The following LRRC49 variants were observed in gnomAD, a reference collection of about 807,000 sequenced individuals.
LRRC49 encodes the protein leucine rich repeat containing 49.
Under a neutral mutation model 83.3 loss-of-function variants are expected in LRRC49, and 50 were observed. That is an observed-to-expected ratio of 0.60 (90% CI 0.48 to 0.76). The LOEUF is 0.76. Ranked by LOEUF, LRRC49 falls within the 30% of genes least tolerant of loss-of-function variation. The pLI is 0.00. For missense variants in LRRC49, 704 were observed against 809.1 expected (o/e 0.87, Z 1.58); for synonymous variants, 286 against 283.3 (o/e 1.01, Z -0.10).
intron 11 of LRRC49, among the ~76,000 whole-genome samples, chr15:70,984,797 A>C (rs1330872378): frequency 1.3e-3 from 153 of 118,692 alleles, no homozygotes; most frequent in African/African-American, 4.9e-3. Context: ...ACCCCACAAC[A>C]GTCCCCAGAG....
chr15:70,901,454 G>A (rs1444584195), intron 4 of LRRC49, among the ~76,000 whole-genome samples: 1 of 152,084 alleles, frequency 6.6e-6, no homozygotes, highest in African/African-American at 2.4e-5. Context: ...TACACCAAGA[G>A]TGATTATACC....
At chr15:70,888,581 G>GTT (rs2033470073), upstream of LRRC49, among the ~76,000 whole-genome samples, 1 of 152,092 alleles carries the variant, frequency 6.6e-6, no homozygotes, top group African/African-American at 2.4e-5. Context: ...ATAGTAAAAT[G>GTT]TTTTAAGTAT....
chr15:70,944,880 T>C (rs1419907211), intron 8 of LRRC49, among the ~76,000 whole-genome samples: 1 of 152,206 alleles, frequency 6.6e-6, no homozygotes, highest in Non-Finnish European at 1.5e-5. Flanking sequence ...TTCAGATATA[T>C]AATCTGGGTA....
At chr15:70,936,660 A>G (rs2035609686) in intron 7 of LRRC49, 101 bp from the exon 8 acceptor site, 1 of 714,588 alleles carries the variant, frequency 1.4e-6, no homozygotes, top group East Asian at 2.7e-5. Context: ...GCAATGTTGC[A>G]GTAAATAGAA....
rs1350142228 is a variant in LRRC49, at chr15:70,904,742, T to C, written c.487T>C (p.Leu163=). 1.2e-5 allele frequency: 19 copies of C among 1,611,944 alleles called. No individual in the cohort carries two copies. Among genetic ancestry groups the C allele is most frequent in the Middle Eastern group, 1.6e-4 (1 of 6,072 alleles). Reference sequence around the variant, plus strand: ...TCTGAGATGTCTTCGTGTCCTTCTGTTGGGGAAAAACAGGTATTCTTTGTA... The same window carrying C: ...TCTGAGATGTCTTCGTGTCCTTCTGCTGGGGAAAAACAGGTATTCTTTGTA... ...STLRCLRVLL[L]GKNRIKKISN... Residue 163 remains leucine (L), a synonymous_variant, in exon 5 of 16, where the codon TTG becomes CTG. Coordinates refer to ENST00000260382, the MANE Select transcript of LRRC49 (RefSeq NM_017691.5).
chr15:71,009,963 T>G lies in LRRC49; in HGVS notation c.1564T>G (p.Phe522Val). The change falls in exon 13 of 16, where the codon TTC becomes GTC. Residue 522 changes from phenylalanine to valine, a missense_variant. Phe to Val is a conservative substitution (Grantham distance 50). Coordinates refer to ENST00000260382, the MANE Select transcript of LRRC49 (RefSeq NM_017691.5). ...CTATGTACTGTTTAGGCTAAGCCAT[T>G]TCAGTATGCAGAAAATAAATGGAAC... Reference protein sequence around the residue: ...KYYVLFRLSHFSMQKINGTEV... With the variant: ...KYYVLFRLSHVSMQKINGTEV... 1 of 1,598,550 alleles carries G rather than the reference T, an allele frequency of 6.3e-7. No homozygotes were observed. The highest frequency in any genetic ancestry group is 8.5e-7 in the Non-Finnish European group (1 of 1,172,060).
chr15:71,033,593 CA>C (rs1378759693), intron 14 of LRRC49, among the ~76,000 whole-genome samples: 2 of 151,952 alleles, frequency 1.3e-5, no homozygotes, highest in African/African-American at 2.4e-5. Context: ...CAATCCTAAG[CA>C]AAAGAACAAA....
chr15:70,978,192 CTTCTCT>C lies in LRRC49; in HGVS notation c.922-1908_922-1903del, dbSNP rs757207266. On this transcript the variant is annotated intron_variant, in intron 9 of 15. Coordinates refer to ENST00000260382, the MANE Select transcript of LRRC49 (RefSeq NM_017691.5). ...AGGCTAGATTGTGCTGCAGTAACAGCTTCTCTAACTTCAGTGAATTAAAACAACAAA... is the reference window on the plus strand; with the variant it reads ...AGGCTAGATTGTGCTGCAGTAACAGCAACTTCAGTGAATTAAAACAACAAA... 1.8e-3 allele frequency among the ~76,000 whole-genome samples: 270 copies of C among 152,228 alleles called. 1 individual carries two copies. The highest frequency in any genetic ancestry group is 3.1e-3 in the Non-Finnish European group (214 of 68,018).
At chr15:70,901,866 A>G (rs2034095469) in intron 4 of LRRC49, among the ~76,000 whole-genome samples, 1 of 152,158 alleles carries the variant, frequency 6.6e-6, no homozygotes, top group Non-Finnish European at 1.5e-5. Flanking sequence ...CCATCTTTAC[A>G]TCTAGAAACT....
chr15:70,900,645 C>T, intron 3 of LRRC49: 1 of 478,500 alleles, frequency 2.1e-6, no homozygotes, highest in South Asian at 1.6e-5. Context: ...GTCAGGATTA[C>T]AAAGGGATGA....
chr15:70,858,623 CA>C, intron 1 of LRRC49: 1 of 524,994 alleles, frequency 1.9e-6, no homozygotes, highest in Non-Finnish European at 3.3e-6. Context: ...CAAAACAAAA[CA>C]AACAAAAAAA....
intron 15 of LRRC49, among the ~76,000 whole-genome samples, chr15:71,046,327 T>C (rs577745142): frequency 6.6e-4 from 100 of 152,300 alleles, no homozygotes; most frequent in Non-Finnish European, 1.0e-3. Flanking sequence ...CAGCAGTGTA[T>C]GAGAGTTCCT....
chr15:70,882,515 A>T, intron 2 of LRRC49: 3 of 1,613,926 alleles, frequency 1.9e-6, no homozygotes, highest in Non-Finnish European at 2.5e-6. Context: ...TTCACTCTTG[A>T]TATCCCAGTC....
intron 8 of LRRC49, among the ~76,000 whole-genome samples, chr15:70,941,213 T>G (rs1389129370): frequency 6.6e-6 from 1 of 152,216 alleles, no homozygotes; most frequent in Non-Finnish European, 1.5e-5. Context: ...AAATAGACTT[T>G]GAGGTAAGAT....
intron 8 of LRRC49, among the ~76,000 whole-genome samples, chr15:70,939,857 T>G (rs530884620): frequency 2.0e-4 from 31 of 151,272 alleles, no homozygotes; most frequent in South Asian, 1.7e-3. Flanking sequence ...GTTTTTTTTT[T>G]TTTTTTTTTT....
chr15:70,953,772 TCTATGTAATCCC>T (rs1408225371), intron 8 of LRRC49, among the ~76,000 whole-genome samples: 1 of 152,246 alleles, frequency 6.6e-6, no homozygotes, highest in Non-Finnish European at 1.5e-5. Flanking sequence ...AGGTTTGGTC[TCTATGTAATCCC>T]CTATTTCTCA....
At chr15:71,040,819 CAAA>C (rs57206118) in intron 15 of LRRC49, among the ~76,000 whole-genome samples, 23 of 98,810 alleles carry the variant, frequency 2.3e-4, no homozygotes, top group Admixed American at 2.4e-4. Context: ...GACTCCGTCT[CAAA>C]AAAAAAAAAA....
intron 1 of LRRC49, among the ~76,000 whole-genome samples, chr15:70,863,488 G>T (rs1244886063): frequency 6.6e-6 from 1 of 152,212 alleles, no homozygotes; most frequent in African/African-American, 2.4e-5. Flanking sequence ...GGTCCCAGGA[G>T]GAGCCCAAAC....
intron 15 of LRRC49, among the ~76,000 whole-genome samples, chr15:71,038,211 A>G (rs2039585092): frequency 6.6e-6 from 1 of 152,204 alleles, no homozygotes; most frequent in Admixed American, 6.5e-5. Context: ...GATATCTTTC[A>G]ATATCTACAT....
Sources: allele counts gnomAD v4.1 joint callset (sites outside exome capture counted in the v4.1 genomes callset), GRCh38; gene constraint gnomAD v4.1.1; transcripts MANE v1.5; gene names NCBI Gene and HGNC (gene_info 2026-07-23, HGNC 2026-07-21).